AUTS2: variants seen among roughly 807,000 people sequenced by gnomAD.
AUTS2 encodes activator of transcription and developmental regulator AUTS2, also known as autism susceptibility gene 2 protein.
In AUTS2, 17 loss-of-function variants were observed where a neutral mutation model predicts 112.4. That is an observed-to-expected ratio of 0.15 (90% CI 0.10 to 0.23). The LOEUF (loss-of-function observed/expected upper bound fraction) is 0.23. Among genes scored for constraint, AUTS2 ranks in the 10% least tolerant of loss-of-function variants. The pLI is 1.00. For synonymous variants in AUTS2, 751 were observed against 702.7 expected (o/e 1.07, Z -1.09); for missense variants, 1,510 against 1,701.6 (o/e 0.89, Z 1.98).
At chr7:70,723,505 C>T (rs1786820647) in intron 6 of AUTS2, among the ~76,000 whole-genome samples, 2 of 151,978 alleles carry the variant, frequency 1.3e-5, no homozygotes, top group African/African-American at 4.8e-5. Context: ...CTAGAGCCTG[C>T]ACTCTTAGCC....
At chr7:69,640,611 C>G (rs1314304649) in intron 1 of AUTS2, among the ~76,000 whole-genome samples, 1 of 152,212 alleles carries the variant, frequency 6.6e-6, no homozygotes, top group African/African-American at 2.4e-5. Context: ...CCACTCCTTT[C>G]TTGAAATTCA....
intron 1 of AUTS2, among the ~76,000 whole-genome samples, chr7:69,883,238 T>G (rs898062649): frequency 6.6e-6 from 1 of 151,890 alleles, no homozygotes; most frequent in Non-Finnish European, 1.5e-5. Context: ...GCCAGCTTTG[T>G]GCACTTCAAA....
At chr7:70,151,089 T>C (rs1169834948) in intron 4 of AUTS2, among the ~76,000 whole-genome samples, 2 of 152,100 alleles carry the variant, frequency 1.3e-5, no homozygotes, top group African/African-American at 4.8e-5. Flanking sequence ...TCAGTAGACT[T>C]TCTGCATTAG....
chr7:69,912,449 T>A (rs1259042032), intron 2 of AUTS2, among the ~76,000 whole-genome samples: 1 of 152,208 alleles, frequency 6.6e-6, no homozygotes, highest in Non-Finnish European at 1.5e-5. Context: ...CAGCCCCGGC[T>A]GCAGCCAGCA....
chr7:70,443,147 T>C (rs1796187685), intron 5 of AUTS2, among the ~76,000 whole-genome samples: 1 of 152,234 alleles, frequency 6.6e-6, no homozygotes, highest in South Asian at 2.1e-4. Context: ...AGATTTTCAA[T>C]TAAATATAGG....
At chr7:70,069,552 A>T (rs1375494998) in intron 2 of AUTS2, among the ~76,000 whole-genome samples, 2 of 152,116 alleles carry the variant, frequency 1.3e-5, no homozygotes, top group Non-Finnish European at 2.9e-5. Context: ...GTTCTGTGAG[A>T]TCTATAGTAA....
chr7:69,867,835 G>A (rs1040223306), intron 1 of AUTS2, among the ~76,000 whole-genome samples: 1 of 151,928 alleles, frequency 6.6e-6, no homozygotes, highest in Non-Finnish European at 1.5e-5. Flanking sequence ...TGAAATAGGC[G>A]CAGTGCCAGA....
chr7:70,415,187 C>T lies in AUTS2; in HGVS notation c.661-20565C>T, dbSNP rs370238714. On this transcript the variant is annotated intron_variant, in intron 4 of 18. Coordinates refer to ENST00000342771, the MANE Select transcript of AUTS2 (RefSeq NM_015570.4). ...CTTCGTAGGTCTTTGTCCCATTCCC[C>T]GATGATAATGCCTTCATGACAAAGA... is the stretch of plus-strand genomic sequence containing the variant. 5.6e-4 allele frequency among the ~76,000 whole-genome samples: 85 copies of T among 152,262 alleles called. 1 individual carries two copies. In the South Asian group the frequency reaches 0.017, roughly 31 times the overall value.
chr7:70,297,005 CTT>C (rs556668116), intron 4 of AUTS2, among the ~76,000 whole-genome samples: 33 of 118,204 alleles, frequency 2.8e-4, no homozygotes, highest in African/African-American at 7.9e-4. Flanking sequence ...TAATGCCTGA[CTT>C]TTTTTTTTTT....
intron 5 of AUTS2, among the ~76,000 whole-genome samples, chr7:70,508,826 ATTAG>A (rs1413116964): frequency 6.6e-6 from 1 of 152,214 alleles, no homozygotes. Context: ...CAAGGTATTA[ATTAG>A]TTAGGATAAC....
chr7:70,226,024 A>G (rs549951410), intron 4 of AUTS2, among the ~76,000 whole-genome samples: 75 of 152,350 alleles, frequency 4.9e-4, no homozygotes, highest in African/African-American at 1.8e-3. Context: ...CCCAAGTAGG[A>G]CTAATCAAAG....
At chr7:70,524,707 G>A (rs201868908) in intron 5 of AUTS2, among the ~76,000 whole-genome samples, 1 of 152,160 alleles carries the variant, frequency 6.6e-6, no homozygotes, top group African/African-American at 2.4e-5. Flanking sequence ...ATGTTAATGG[G>A]TTATCAATAT....
chr7:70,551,164 A>G (rs967308864), intron 5 of AUTS2, among the ~76,000 whole-genome samples: 1 of 152,164 alleles, frequency 6.6e-6, no homozygotes, highest in Non-Finnish European at 1.5e-5. Flanking sequence ...TACTGATAGA[A>G]ATAAATAAAT....
Position 70,791,120 on chromosome 7 carries a change from T to TA in AUTS2, c.*130dup, listed in dbSNP as rs550188867. On this transcript the variant is annotated 3_prime_UTR_variant, in exon 19 of 19. Coordinates refer to ENST00000342771, the MANE Select transcript of AUTS2 (RefSeq NM_015570.4). The stretch of plus-strand genomic sequence containing the variant: ...GGGAAAGCCCCACCCCTTCCCCTTG[T>TA]AAAAAATGTATAGACTCAGTGCACA... 45 of 985,294 alleles carry TA rather than the reference T, an allele frequency of 4.6e-5. No homozygotes were observed. The highest frequency in any genetic ancestry group is 9.2e-5 in the East Asian group (3 of 32,496). The allele number at this position is 985,294 out of a possible 1,614,324, so 61.0% of individuals were successfully genotyped here. A position where few individuals can be genotyped will look rare whatever the true frequency, so the allele number is the denominator to read the frequency against.
intron 2 of AUTS2, among the ~76,000 whole-genome samples, chr7:70,080,689 A>G (rs762897807): frequency 2.4e-4 from 36 of 152,206 alleles, no homozygotes; most frequent in Non-Finnish European, 5.0e-4. Flanking sequence ...ATGAGAATGT[A>G]GCTCTGTGTC....
At chr7:69,771,295 C>T (rs1343439667) in intron 1 of AUTS2, among the ~76,000 whole-genome samples, 1 of 152,128 alleles carries the variant, frequency 6.6e-6, no homozygotes, top group African/African-American at 2.4e-5. Flanking sequence ...TAGCAGGTAA[C>T]TAAAAAGGGG....
chr7:70,482,979 T>G (rs963540467), intron 5 of AUTS2, among the ~76,000 whole-genome samples: 2 of 152,210 alleles, frequency 1.3e-5, no homozygotes, highest in Admixed American at 1.3e-4. Flanking sequence ...GTGATCTATT[T>G]TTCTGTTTAT....
At chr7:70,697,068 T>G (rs1469178239) in intron 5 of AUTS2, among the ~76,000 whole-genome samples, 12 of 152,212 alleles carry the variant, frequency 7.9e-5, no homozygotes, top group Non-Finnish European at 1.8e-4. Context: ...AGCATCATCA[T>G]GCAATTTTTG....
rs184031609 is a variant in AUTS2 at position 70,261,829 on chromosome 7, C to T, written c.660+127258C>T. On this transcript the variant is annotated intron_variant, in intron 4 of 18. Coordinates refer to ENST00000342771, the MANE Select transcript of AUTS2 (RefSeq NM_015570.4). ...GAGTAGGAAAGCAGACCCCTGGCCT[C>T]AGGAGCGCCTCTTTGATCATGAATG... Among the ~76,000 whole-genome samples, 17 of 152,336 alleles carry T rather than the reference C, an allele frequency of 1.1e-4. No homozygotes were observed. In the East Asian group the frequency reaches 2.9e-3, roughly 26 times the overall value.
Sources: allele counts gnomAD v4.1 joint callset (sites outside exome capture counted in the v4.1 genomes callset), GRCh38; gene constraint gnomAD v4.1.1; transcripts MANE v1.5; gene names NCBI Gene and HGNC (gene_info 2026-07-23, HGNC 2026-07-21).